Variants in CTNNA2 observed in about 807,000 individuals in gnomAD.
The protein encoded by CTNNA2 is catenin alpha-2.
In CTNNA2, 42 loss-of-function variants were observed where a neutral mutation model predicts 101.0. That is an observed-to-expected ratio of 0.42 (90% CI 0.32 to 0.54). The LOEUF (loss-of-function observed/expected upper bound fraction) is 0.54. Ranked by LOEUF, CTNNA2 falls within the 20% of genes least tolerant of loss-of-function variation. The pLI is 0.14. For missense variants in CTNNA2, 871 were observed against 1,223.1 expected, an observed-to-expected ratio of 0.71 and a Z score of 4.29; for synonymous variants, 450 against 456.4, an observed-to-expected ratio of 0.99 and a Z score of 0.18.
At chr2:80,528,342 A>G (rs528835579) in intron 9 of CTNNA2, among the ~76,000 whole-genome samples, 3 of 152,002 alleles carry the variant, frequency 2.0e-5, no homozygotes, top group Admixed American at 6.6e-5. Context: ...GACTACAGGC[A>G]CTCACCACCA....
intron 2 of CTNNA2, among the ~76,000 whole-genome samples, chr2:79,204,137 C>A (rs973473529): frequency 6.6e-6 from 1 of 152,218 alleles, no homozygotes; most frequent in Non-Finnish European, 1.5e-5. Context: ...TTGAAATTAT[C>A]TAGTTCAATA....
At chr2:80,573,104 G>T (rs1694747235) in intron 12 of CTNNA2, 1 of 152,186 alleles carries the variant, frequency 6.6e-6, no homozygotes, top group Non-Finnish European at 1.5e-5. Context: ...GAAAGTTCAG[G>T]AATGGAAATA....
At chr2:80,186,949 T>G (rs1706169154) in intron 7 of CTNNA2, among the ~76,000 whole-genome samples, 1 of 152,194 alleles carries the variant, frequency 6.6e-6, no homozygotes, top group South Asian at 2.1e-4. Context: ...AATCTATGGG[T>G]GGTTGATGCA....
At chr2:80,396,528 C>T (rs1678028084) in intron 8 of CTNNA2, among the ~76,000 whole-genome samples, 1 of 152,188 alleles carries the variant, frequency 6.6e-6, no homozygotes, top group Non-Finnish European at 1.5e-5. Context: ...CCCACATGGT[C>T]TGTCCATCCC....
chr2:79,585,092 G>T (rs1054206304), intron 1 of CTNNA2, among the ~76,000 whole-genome samples: 1 of 151,700 alleles, frequency 6.6e-6, no homozygotes, highest in African/African-American at 2.4e-5. Flanking sequence ...ATATTTTTTT[G>T]GTTCCTGCTA....
chr2:80,180,097 T>C (rs1173868078), intron 7 of CTNNA2, among the ~76,000 whole-genome samples: 4 of 152,180 alleles, frequency 2.6e-5, no homozygotes, highest in African/African-American at 9.6e-5. Context: ...GTTCTGATCA[T>C]TTCCCTTTCC....
chr2:80,035,762 A>C (rs926705048), intron 7 of CTNNA2, among the ~76,000 whole-genome samples: 3 of 152,230 alleles, frequency 2.0e-5, no homozygotes, highest in Non-Finnish European at 2.9e-5. Flanking sequence ...GAACTGGATA[A>C]AGTGAATTTC....
Position 79,536,398 on chromosome 2 carries a change from T to A in CTNNA2, c.-6+23191T>A, listed in dbSNP as rs544557494. Among the ~76,000 whole-genome samples the A allele has an allele frequency of 3.3e-5, 5 of 152,288 alleles. No individual in the cohort carries two copies. The South Asian group carries it at 1.0e-3, about 32-fold the overall frequency. The stretch of plus-strand genomic sequence containing the variant: ...CAGTTGGCCATCCTAGCTAATAGTG[T>A]ACAGCTTCATAATGAAATGGCAAGT... On this transcript the variant is annotated intron_variant, in intron 1 of 18. Transcript: ENST00000402739.
chr2:80,163,072 G>A lies in CTNNA2; in HGVS notation c.1057-230139G>A, dbSNP rs902200303. ...ATTGCATAAGGAACAGATACTTCATGTTTGAAATTCACAAACGCAAACTGC... is the reference window on the plus strand; with the variant it reads ...ATTGCATAAGGAACAGATACTTCATATTTGAAATTCACAAACGCAAACTGC... On this transcript the variant is annotated intron_variant, in intron 7 of 18. Transcript: ENST00000402739. 2.5e-5 allele frequency: 39 copies of A among 1,571,648 alleles called. No individual in the cohort carries two copies. The African/African-American group carries it at 5.0e-4, about 20-fold the overall frequency.
chr2:79,460,837 A>T (rs1018537541), intron 4 of CTNNA2, among the ~76,000 whole-genome samples: 8 of 148,888 alleles, frequency 5.4e-5, no homozygotes, highest in Non-Finnish European at 1.2e-4. Flanking sequence ...CCCATTAAGT[A>T]TTTTTTTTTT....
intron 4 of CTNNA2, among the ~76,000 whole-genome samples, chr2:79,859,623 T>C (rs1336751617): frequency 6.6e-6 from 1 of 150,778 alleles, no homozygotes. Context: ...TTTTTTTATT[T>C]TTATTTTTAT....
chr2:79,994,772 G>A (rs10180106), intron 7 of CTNNA2, among the ~76,000 whole-genome samples: 33,383 of 151,908 alleles, frequency 0.22, 3,987 homozygotes, highest in Middle Eastern at 0.31. Flanking sequence ...CTCCGCATTT[G>A]CTCTTGTGCT....
At chr2:79,330,870 C>G (rs1400695040) in intron 3 of CTNNA2, among the ~76,000 whole-genome samples, 2 of 152,162 alleles carry the variant, frequency 1.3e-5, no homozygotes, top group African/African-American at 2.4e-5. Context: ...ATTACCCAGT[C>G]TCAGGTATGT....
intron 12 of CTNNA2, among the ~76,000 whole-genome samples, chr2:80,571,122 C>G (rs1694556044): frequency 6.6e-6 from 1 of 152,184 alleles, no homozygotes; most frequent in African/African-American, 2.4e-5. Flanking sequence ...TTGCCACAAA[C>G]AAAGCAACAC....
At chr2:79,681,838 G>A (rs993187129) in intron 2 of CTNNA2, among the ~76,000 whole-genome samples, 3 of 152,152 alleles carry the variant, frequency 2.0e-5, no homozygotes, top group African/African-American at 7.2e-5. Context: ...ACGGGCTTTA[G>A]CAATACTGTG....
rs1232028754 is a variant in CTNNA2, at chr2:80,567,610, ATACTT to A, written c.1742-6549_1742-6545del. On this transcript the variant is annotated intron_variant, in intron 12 of 18. Transcript: ENST00000402739. ...TGACAGGAACCATTTTTGGGAAAGA[ATACTT>A]TACCTGTAGAAATAACATCAAACAT... Among the ~76,000 whole-genome samples, 3 of 152,296 alleles carry A rather than the reference ATACTT, an allele frequency of 2.0e-5. No individual in the cohort carries two copies. The East Asian group carries it at 5.8e-4, about 29-fold the overall frequency.
intron 12 of CTNNA2, among the ~76,000 whole-genome samples, chr2:80,558,032 G>A (rs565887738): frequency 9.2e-5 from 14 of 152,128 alleles, no homozygotes; most frequent in African/African-American, 2.9e-4. Flanking sequence ...AATTGAATAC[G>A]GTAGATGAGC....
intron 2 of CTNNA2, among the ~76,000 whole-genome samples, chr2:79,738,669 G>A (rs756967107): frequency 1.3e-5 from 2 of 152,122 alleles, no homozygotes; most frequent in African/African-American, 4.8e-5. Context: ...TTGAGTCAAC[G>A]GCACTAAATG....
At chr2:79,309,926 A>G (rs1676327751) in intron 2 of CTNNA2, among the ~76,000 whole-genome samples, 1 of 152,104 alleles carries the variant, frequency 6.6e-6, no homozygotes, top group Admixed American at 6.5e-5. Flanking sequence ...TCTCCATAAA[A>G]TTTCTCACAT....
Sources: allele counts gnomAD v4.1 joint callset (sites outside exome capture counted in the v4.1 genomes callset), GRCh38; gene constraint gnomAD v4.1.1; transcripts MANE v1.5; gene names NCBI Gene and HGNC (gene_info 2026-07-23, HGNC 2026-07-21).